OR2C1: variants seen among roughly 807,000 people sequenced by gnomAD.
OR2C1 encodes the protein olfactory receptor family 2 subfamily C member 1.
For synonymous variants in OR2C1, 209 were observed against 167.3 expected (o/e 1.25, Z -1.92); for missense variants, 468 against 388.3 (o/e 1.21, Z -1.73).
rs745813182 is a variant in OR2C1 at position 3,356,672 on chromosome 16, T to C, written c.732T>C (p.His244=). ...RRKAFNTCLS[H]LLVVFLFYGS... ...AGGCGTTCAATACGTGCCTCTCCCA[T>C]CTGCTGGTGGTGTTCCTCTTCTATG... Residue 244 remains histidine (H), a synonymous_variant, in exon 1 of 1, where the codon CAT becomes CAC. Coordinates refer to ENST00000304936, the MANE Select transcript of OR2C1 (RefSeq NM_012368.3). The C allele has an allele frequency of 1.6e-5, 26 of 1,614,034 alleles. No individual in the cohort carries two copies. The highest frequency in any genetic ancestry group is 2.0e-5 in the Non-Finnish European group (24 of 1,180,026).
the OR2C1 span, among the ~76,000 whole-genome samples, chr16:3,325,340 A>G: frequency 4.0e-5 from 6 of 151,800 alleles, no homozygotes; most frequent in African/African-American, 1.4e-4. Context: ...GCTGGTCTCA[A>G]ACTCGTGGGC....
the OR2C1 span, among the ~76,000 whole-genome samples, chr16:3,342,198 C>G: frequency 6.6e-6 from 1 of 152,098 alleles, no homozygotes; most frequent in African/African-American, 2.4e-5. Flanking sequence ...TTGCTGTGAG[C>G]TAAGATCATG....
chr16:3,351,135 A>G (rs1039887189), upstream of OR2C1, among the ~76,000 whole-genome samples: 1 of 150,836 alleles, frequency 6.6e-6, no homozygotes, highest in African/African-American at 2.4e-5. Context: ...GAATTTAATC[A>G]ATATTTTATC....
chr16:3,325,482 T>A, the OR2C1 span, among the ~76,000 whole-genome samples: 2,425 of 105,438 alleles, frequency 0.023, 101 homozygotes, highest in African/African-American at 0.096. Flanking sequence ...TATATATATA[T>A]ATATATATAT....
chr16:3,356,789 C>T lies in OR2C1; in HGVS notation c.849C>T (p.Pro283=). ...CCCTGTTCTACTCGTTGGTCACACC[C>T]ATGGTGAATCCCCTCATCTACACGC... is the stretch of plus-strand genomic sequence containing the variant. ...FISLFYSLVT[P]MVNPLIYTLR... is the part of the protein sequence containing the mutation. The change falls in exon 1 of 1, where the codon CCC becomes CCT. Residue 283 remains proline, a synonymous_variant. Transcript: ENST00000304936. 6.2e-7 allele frequency: 1 copy of T among 1,605,026 alleles called. No homozygotes were observed. The highest frequency in any genetic ancestry group is 8.5e-7 in the Non-Finnish European group (1 of 1,175,156).
At chr16:3,335,107 C>G in the OR2C1 span, among the ~76,000 whole-genome samples, 2 of 152,200 alleles carry the variant, frequency 1.3e-5, no homozygotes, top group Admixed American at 1.3e-4. Flanking sequence ...GCGTGAGCCA[C>G]CATGCCTGTC....
At chr16:3,337,494 G>C in the OR2C1 span, among the ~76,000 whole-genome samples, 4 of 151,992 alleles carry the variant, frequency 2.6e-5, no homozygotes, top group Non-Finnish European at 5.9e-5. Context: ...AAAATAGCCT[G>C]TCTCTCCTCT....
the OR2C1 span, among the ~76,000 whole-genome samples, chr16:3,350,828 A>G: frequency 9.1e-4 from 138 of 151,786 alleles, 2 homozygotes; most frequent in East Asian, 0.026. Context: ...GCCCTTTTGC[A>G]TGCACAACTC....
chr16:3,356,237 C>A lies in OR2C1; in HGVS notation c.297C>A (p.Thr99=), dbSNP rs776968296. 9.3e-6 allele frequency: 15 copies of A among 1,614,166 alleles called. No homozygotes were observed. The highest frequency in any genetic ancestry group is 1.7e-5 in the Admixed American group (1 of 60,024). ...CCATCAGCTATGGTGGCTGCATAAC[C>A]CAGCTCTATGTCTTCCTTTGGCTGG... ...GKTISYGGCI[T]QLYVFLWLGA... The change falls in exon 1 of 1, where the codon ACC becomes ACA. Residue 99 remains threonine (T), a synonymous_variant. Transcript: ENST00000304936.
At chr16:3,347,692 A>T in the OR2C1 span, among the ~76,000 whole-genome samples, 1 of 152,110 alleles carries the variant, frequency 6.6e-6, no homozygotes, top group Non-Finnish European at 1.5e-5. Flanking sequence ...ACTTAGCAAT[A>T]TGCCTAGGAT....
the OR2C1 span, among the ~76,000 whole-genome samples, chr16:3,334,370 T>G: frequency 0.21 from 31,705 of 151,074 alleles, 3,494 homozygotes; most frequent in South Asian, 0.31. Context: ...TCTCTTGACC[T>G]TGTGATCCGC....
chr16:3,352,182 T>A (rs2030582764), upstream of OR2C1, among the ~76,000 whole-genome samples: 1 of 152,116 alleles, frequency 6.6e-6, no homozygotes, highest in East Asian at 1.9e-4. Flanking sequence ...AGTGGTGCAA[T>A]CTTGGCTCAC....
chr16:3,343,808 A>G, the OR2C1 span, among the ~76,000 whole-genome samples: 1 of 152,230 alleles, frequency 6.6e-6, no homozygotes, highest in Non-Finnish European at 1.5e-5. Context: ...AAAATTTACT[A>G]AATAGATTAT....
chr16:3,341,060 C>A, the OR2C1 span, among the ~76,000 whole-genome samples: 1 of 151,394 alleles, frequency 6.6e-6, no homozygotes, highest in Non-Finnish European at 1.5e-5. Flanking sequence ...TGTCATATTA[C>A]CAATATTAAG....
At chr16:3,332,157 CATGGCACATGT>C in the OR2C1 span, among the ~76,000 whole-genome samples, 1 of 151,016 alleles carries the variant, frequency 6.6e-6, no homozygotes, top group East Asian at 2.0e-4. Flanking sequence ...AGCGCACCAG[CATGGCACATGT>C]ATACATATGT....
chr16:3,346,554 C>G, the OR2C1 span, among the ~76,000 whole-genome samples: 1 of 150,924 alleles, frequency 6.6e-6, no homozygotes, highest in East Asian at 1.9e-4. Flanking sequence ...CCGTCTTGCT[C>G]TGAATTTTAA....
At chr16:3,339,755 C>T in the OR2C1 span, among the ~76,000 whole-genome samples, 1 of 152,076 alleles carries the variant, frequency 6.6e-6, no homozygotes, top group Admixed American at 6.6e-5. Context: ...CGCACCCGGC[C>T]CCATTTTACT....
At chr16:3,338,386 T>A in the OR2C1 span, among the ~76,000 whole-genome samples, 86,446 of 151,712 alleles carry the variant, frequency 0.57, 25,332 homozygotes, top group East Asian at 0.79. Flanking sequence ...CCTTGATCTT[T>A]TATCTTCCAG....
chr16:3,353,219 C>T (rs28644313), upstream of OR2C1, among the ~76,000 whole-genome samples: 72,485 of 151,162 alleles, frequency 0.48, 18,543 homozygotes, highest in East Asian at 0.77. Context: ...AGGCCGGTCG[C>T]GGTGGCTCAC....
Sources: allele counts gnomAD v4.1 joint callset (sites outside exome capture counted in the v4.1 genomes callset), GRCh38; gene constraint gnomAD v4.1.1; transcripts MANE v1.5; gene names NCBI Gene and HGNC (gene_info 2026-07-23, HGNC 2026-07-21).